Variants in HDAC9 observed in about 807,000 individuals in gnomAD.
The protein encoded by HDAC9 is histone deacetylase 9, also known as MEF-2 interacting transcription repressor (MITR) protein.
In HDAC9, 41 loss-of-function variants were observed where a neutral mutation model predicts 139.4. The ratio of observed to expected loss-of-function variants is 0.29; its 90% CI spans 0.23 to 0.38. HDAC9 has a LOEUF of 0.38. Among genes scored for constraint, HDAC9 ranks in the 10% least tolerant of loss-of-function variants. The pLI is 1.00. For synonymous variants in HDAC9, 517 were observed against 476.2 expected, an observed-to-expected ratio of 1.09 and a Z score of -1.12; for missense variants, 1,147 against 1,297.0, an observed-to-expected ratio of 0.88 and a Z score of 1.78.
chr7:18,825,718 A>G lies in HDAC9; in HGVS notation c.2323-3443A>G, dbSNP rs535261771. ...AGATTTTATATATATATAAATTATAAAAAATATATATTTGTATGTAATTAT... is the reference window on the plus strand; with the variant it reads ...AGATTTTATATATATATAAATTATAGAAAATATATATTTGTATGTAATTAT... On this transcript the variant is annotated intron_variant, in intron 17 of 25. Transcript: ENST00000686413. 5.4e-5 allele frequency among the ~76,000 whole-genome samples: 8 copies of G among 148,764 alleles called. No individual in the cohort carries two copies. In the South Asian group the frequency reaches 1.7e-3, roughly 31 times the overall value.
chr7:18,521,805 T>C (rs1188547012), intron 2 of HDAC9, among the ~76,000 whole-genome samples: 3 of 152,206 alleles, frequency 2.0e-5, no homozygotes, highest in Non-Finnish European at 2.9e-5. Flanking sequence ...TAAAAAAACA[T>C]TCAATTAATA....
At chr7:18,793,198 C>T (rs1792484167) in intron 16 of HDAC9, 147 bp from the exon 17 acceptor site, 1 of 649,426 alleles carries the variant, frequency 1.5e-6, no homozygotes. Flanking sequence ...TGTACATAGG[C>T]TGTTACCCTG....
intron 22 of HDAC9, among the ~76,000 whole-genome samples, chr7:18,916,764 A>G (rs1330661072): frequency 6.6e-6 from 1 of 152,058 alleles, no homozygotes; most frequent in African/African-American, 2.4e-5. Context: ...CAAAAAGTGT[A>G]CATACATAGA....
chr7:18,529,404 C>A (rs1273272089), intron 2 of HDAC9, among the ~76,000 whole-genome samples: 2 of 152,150 alleles, frequency 1.3e-5, no homozygotes, highest in Admixed American at 6.5e-5. Flanking sequence ...AGAATAAGGA[C>A]AGAGATTTTA....
At chr7:18,612,571 GAC>G (rs1257754618) in intron 6 of HDAC9, among the ~76,000 whole-genome samples, 4 of 151,944 alleles carry the variant, frequency 2.6e-5, no homozygotes, top group African/African-American at 9.7e-5. Flanking sequence ...AAGATGAGTA[GAC>G]ACAGAATTCA....
intron 1 of HDAC9, among the ~76,000 whole-genome samples, chr7:18,362,620 AT>A (rs1028218476): frequency 1.3e-4 from 20 of 152,138 alleles, no homozygotes; most frequent in African/African-American, 3.4e-4. Context: ...GATTGATGAA[AT>A]TTTTTTTAAC....
At chr7:18,724,651 G>T (rs533119329) in intron 12 of HDAC9, among the ~76,000 whole-genome samples, 1 of 152,262 alleles carries the variant, frequency 6.6e-6, no homozygotes, top group East Asian at 1.9e-4. Context: ...AGGCTCATAC[G>T]TCAGTAGGTG....
intron 25 of HDAC9, among the ~76,000 whole-genome samples, chr7:18,995,487 G>A (rs1786390564): frequency 6.6e-6 from 1 of 152,196 alleles, no homozygotes; most frequent in South Asian, 2.1e-4. Flanking sequence ...CACTACCATA[G>A]TGCATTTCTT....
chr7:18,273,226 C>A (rs1796503703), intron 2 of HDAC9, among the ~76,000 whole-genome samples: 1 of 151,776 alleles, frequency 6.6e-6, no homozygotes, highest in Non-Finnish European at 1.5e-5. Flanking sequence ...CACACCATGC[C>A]TGGCTAATTG....
At chr7:18,597,480 A>G (rs1320932675) in intron 6 of HDAC9, among the ~76,000 whole-genome samples, 2 of 152,168 alleles carry the variant, frequency 1.3e-5, no homozygotes, top group African/African-American at 4.8e-5. Context: ...TTTATATAGT[A>G]CACTGCTGAA....
intron 17 of HDAC9, among the ~76,000 whole-genome samples, chr7:18,828,865 A>G (rs1263866855): frequency 6.6e-6 from 1 of 152,176 alleles, no homozygotes. Flanking sequence ...AAAATGAATC[A>G]TGCTAGTTTA....
intron 22 of HDAC9, among the ~76,000 whole-genome samples, chr7:18,905,471 G>A (rs935626425): frequency 2.6e-5 from 4 of 152,164 alleles, no homozygotes; most frequent in African/African-American, 7.2e-5. Context: ...AGGATAGTGT[G>A]ATACTTATAG....
At chr7:18,194,336 G>A (rs1790582501) in intron 2 of HDAC9, among the ~76,000 whole-genome samples, 1 of 152,000 alleles carries the variant, frequency 6.6e-6, no homozygotes, top group Non-Finnish European at 1.5e-5. Context: ...ATTCTGTTTT[G>A]TTATTGATTT....
At chr7:18,809,300 C>G (rs1489401348) in intron 17 of HDAC9, among the ~76,000 whole-genome samples, 1 of 151,786 alleles carries the variant, frequency 6.6e-6, no homozygotes, top group Non-Finnish European at 1.5e-5. Context: ...TGGTTATACA[C>G]AAAAAGCACA....
intron 23 of HDAC9, among the ~76,000 whole-genome samples, chr7:18,940,504 C>A (rs1055352311): frequency 6.6e-6 from 1 of 152,006 alleles, no homozygotes; most frequent in South Asian, 2.1e-4. Flanking sequence ...TATTTTTGAT[C>A]TTTTTCAATG....
chr7:18,746,136 G>A (rs1253062712), intron 13 of HDAC9, among the ~76,000 whole-genome samples: 1 of 152,012 alleles, frequency 6.6e-6, no homozygotes, highest in Non-Finnish European at 1.5e-5. Context: ...CTCCCAAAGT[G>A]CTAGGCTTAC....
At chr7:18,704,324 C>A (rs920074017) in intron 12 of HDAC9, among the ~76,000 whole-genome samples, 1 of 152,180 alleles carries the variant, frequency 6.6e-6, no homozygotes, top group Non-Finnish European at 1.5e-5. Context: ...GGGACTTTTC[C>A]TTGCTTAGGA....
intron 17 of HDAC9, among the ~76,000 whole-genome samples, chr7:18,819,649 G>T (rs748059193): frequency 6.6e-6 from 1 of 152,162 alleles, no homozygotes; most frequent in South Asian, 2.1e-4. Context: ...AAACTAAGGA[G>T]AAACATCCAT....
At chr7:18,208,445 T>C (rs1791702205) in intron 2 of HDAC9, among the ~76,000 whole-genome samples, 1 of 146,784 alleles carries the variant, frequency 6.8e-6, no homozygotes, top group Non-Finnish European at 1.5e-5. Context: ...TGAACAAGGC[T>C]CAGGCAGCCT....
Sources: gnomAD v4.1 joint callset for allele counts (sites outside exome capture counted in the v4.1 genomes callset) on GRCh38, gnomAD v4.1.1 for gene constraint, MANE v1.5 for transcripts, NCBI Gene and HGNC (gene_info 2026-07-23, HGNC 2026-07-21) for gene names.